Variants in DPP6 observed in about 807,000 individuals in gnomAD.
The protein encoded by DPP6 is dipeptidyl peptidase like 6.
A neutral mutation model predicts 122.6 loss-of-function variants in DPP6; 69 were observed. The ratio of observed to expected loss-of-function variants is 0.56; its 90% CI spans 0.46 to 0.69. The LOEUF is 0.69. Among genes scored for constraint, DPP6 ranks in the 30% least tolerant of loss-of-function variants. The probability of loss-of-function intolerance (pLI) is 0.00; values close to 1 mark genes in which losing one functional copy is unlikely to be tolerated. For missense variants in DPP6, 928 were observed against 1,116.9 expected (o/e 0.83, Z 2.41); for synonymous variants, 418 against 433.1 (o/e 0.97, Z 0.43).
chr7:154,527,930 G>A (rs1827535516), intron 3 of DPP6, among the ~76,000 whole-genome samples: 1 of 151,574 alleles, frequency 6.6e-6, no homozygotes, highest in Non-Finnish European at 1.5e-5. Context: ...TAAATAACTG[G>A]CATTTTATCT....
intron 8 of DPP6, among the ~76,000 whole-genome samples, chr7:154,750,207 G>T (rs1260588376): frequency 6.6e-6 from 1 of 152,176 alleles, no homozygotes; most frequent in Non-Finnish European, 1.5e-5. Flanking sequence ...CATCCAATCT[G>T]AAAGGCCTGC....
the DPP6 span, among the ~76,000 whole-genome samples, chr7:153,769,232 CTTG>C: frequency 2.0e-5 from 3 of 152,044 alleles, no homozygotes; most frequent in Non-Finnish European, 4.4e-5. Context: ...CTTCCTGTAC[CTTG>C]TTGTTCCTGT....
chr7:154,405,473 T>TC (rs559553313), intron 1 of DPP6, among the ~76,000 whole-genome samples: 3 of 152,062 alleles, frequency 2.0e-5, no homozygotes, highest in Admixed American at 6.6e-5. Context: ...GGAGCTGCTT[T>TC]CCCCCCCTTG....
At chr7:154,073,338 C>G (rs2533698) in intron 1 of DPP6, among the ~76,000 whole-genome samples, 3 of 134,520 alleles carry the variant, frequency 2.2e-5, no homozygotes, top group African/African-American at 8.2e-5. Flanking sequence ...ACTCCTGGTC[C>G]GCCTTCTTCT....
intron 1 of DPP6, among the ~76,000 whole-genome samples, chr7:154,406,398 T>C (rs1292767480): frequency 6.6e-6 from 1 of 151,518 alleles, no homozygotes; most frequent in African/African-American, 2.4e-5. Flanking sequence ...TTGGGAAAAA[T>C]TAGGAGTAGC....
At chr7:154,040,930 T>C (rs1010726613) in intron 1 of DPP6, among the ~76,000 whole-genome samples, 1 of 151,544 alleles carries the variant, frequency 6.6e-6, no homozygotes, top group Non-Finnish European at 1.5e-5. Flanking sequence ...CTGGCTCTTA[T>C]GATGCCAGCT....
chr7:154,052,976 G>A lies in DPP6; in HGVS notation c.156G>A (p.Ala52=), dbSNP rs1800481588. ...KPLGPRAQAA[A]PRERGGGGGG... is the part of the protein sequence containing the mutation. Reference sequence around the variant, plus strand: ...TCGGCCCGCGGGCGCAGGCGGCGGCGCCCCGGGAGCGCGGCGGCGGCGGCG... The same window carrying A: ...TCGGCCCGCGGGCGCAGGCGGCGGCACCCCGGGAGCGCGGCGGCGGCGGCG... The change falls in exon 1 of 26, where the codon GCG becomes GCA. Residue 52 remains alanine (A), a synonymous_variant. Transcript: ENST00000377770. The surrounding 1 kb of genome is among the most constrained non-coding windows in gnomAD (Gnocchi z 4.8). The A allele has an allele frequency of 9.1e-7, 1 of 1,094,178 alleles. No individual in the cohort carries two copies. Among genetic ancestry groups the A allele is most frequent in the Non-Finnish European group, 1.1e-6 (1 of 901,086 alleles). 67.8% of individuals were successfully genotyped at this position (1,094,178 alleles called of 1,614,324 possible).
At chr7:154,013,335 G>A in intron 1 of DPP6, among the ~76,000 whole-genome samples, 1 of 152,156 alleles carries the variant, frequency 6.6e-6, no homozygotes. Context: ...TTCGATGTTA[G>A]ATGTATTTAA....
intron 1 of DPP6, among the ~76,000 whole-genome samples, chr7:153,937,170 A>G (rs527548792): frequency 6.6e-6 from 1 of 152,294 alleles, no homozygotes; most frequent in African/African-American, 2.4e-5. Context: ...CTCAAGTTCT[A>G]GGGCCACCCT....
intron 1 of DPP6, among the ~76,000 whole-genome samples, chr7:154,074,001 A>G (rs562198000): frequency 9.9e-5 from 11 of 111,364 alleles, no homozygotes; most frequent in South Asian, 2.5e-4. Flanking sequence ...ATATATATCT[A>G]TGTATGTATG....
At chr7:154,862,213 C>T (rs1042268971) in intron 17 of DPP6, among the ~76,000 whole-genome samples, 2 of 152,186 alleles carry the variant, frequency 1.3e-5, no homozygotes, top group African/African-American at 4.8e-5. Context: ...TCCTTGCCCT[C>T]GTGACGCCTG....
intron 1 of DPP6, among the ~76,000 whole-genome samples, chr7:154,401,039 A>G (rs1173054079): frequency 6.6e-6 from 1 of 152,072 alleles, no homozygotes; most frequent in Non-Finnish European, 1.5e-5. Flanking sequence ...CGTCTCTACT[A>G]AAAATGCAAA....
chr7:154,698,013 A>T (rs1353876127), intron 7 of DPP6, among the ~76,000 whole-genome samples: 1 of 152,190 alleles, frequency 6.6e-6, no homozygotes, highest in East Asian at 1.9e-4. Flanking sequence ...AATAATACAG[A>T]ATATAGTAAA....
intron 6 of DPP6, among the ~76,000 whole-genome samples, chr7:154,645,389 A>G (rs7786902): frequency 0.75 from 114,066 of 151,900 alleles, 43,148 homozygotes; most frequent in East Asian, 0.98. Flanking sequence ...ATGGATTTTC[A>G]GAACTGTGAA....
chr7:154,005,803 C>T (rs889434455), intron 1 of DPP6, among the ~76,000 whole-genome samples: 7 of 151,560 alleles, frequency 4.6e-5, no homozygotes, highest in Non-Finnish European at 8.8e-5. Context: ...CTCACTTCAC[C>T]TTCCGGTTGG....
chr7:153,847,808 G>C, the DPP6 span, among the ~76,000 whole-genome samples: 7 of 152,218 alleles, frequency 4.6e-5, no homozygotes, highest in East Asian at 1.2e-3. Context: ...TTTTTTGCAT[G>C]CGTCTGCAGT....
At chr7:154,061,007 TAG>T (rs1801772511) in intron 1 of DPP6, among the ~76,000 whole-genome samples, 2 of 149,088 alleles carry the variant, frequency 1.3e-5, no homozygotes, top group Non-Finnish European at 3.0e-5. Context: ...GGTGTCCAAG[TAG>T]AGAGTTCAAA....
intron 10 of DPP6, among the ~76,000 whole-genome samples, chr7:154,791,107 C>G (rs760510571): frequency 3.0e-4 from 45 of 151,990 alleles, no homozygotes; most frequent in Non-Finnish European, 4.6e-4. Flanking sequence ...CAAAAATTAG[C>G]CAGGCATGGT....
intron 1 of DPP6, among the ~76,000 whole-genome samples, chr7:153,918,524 AACAC>A (rs71182852): frequency 0.038 from 2,908 of 77,432 alleles, 93 homozygotes; most frequent in East Asian, 0.082. Context: ...AGGTAATTAA[AACAC>A]ACACACACAC....
Sources: gnomAD v4.1 joint callset for allele counts (sites outside exome capture counted in the v4.1 genomes callset) on GRCh38, gnomAD v4.1.1 for gene constraint, Gnocchi (gnomAD v3.1) non-coding constraint, MANE v1.5 for transcripts, NCBI Gene and HGNC (gene_info 2026-07-23, HGNC 2026-07-21) for gene names.